RALYL: variants seen among roughly 807,000 people sequenced by gnomAD.
RALYL encodes RALY RNA binding protein like.
Under a neutral mutation model 35.1 loss-of-function variants are expected in RALYL, and 29 were observed. That is an observed-to-expected ratio of 0.83 (90% CI 0.61 to 1.13). The LOEUF is 1.13. RALYL is among the 50% of genes most tolerant of loss of function. The probability of loss-of-function intolerance (pLI) is 0.00; values close to 1 mark genes in which losing one functional copy is unlikely to be tolerated. For synonymous variants in RALYL, 120 were observed against 127.6 expected (o/e 0.94, Z 0.40); for missense variants, 359 against 360.4 (o/e 1.00, Z 0.03).
chr8:84,698,394 G>T (rs1411067937), intron 2 of RALYL, among the ~76,000 whole-genome samples: 1 of 151,982 alleles, frequency 6.6e-6, no homozygotes, highest in East Asian at 1.9e-4. Flanking sequence ...AACTCTAGGG[G>T]TGATGATGTA....
At chr8:84,899,707 G>A (rs978333453) in intron 8 of RALYL, among the ~76,000 whole-genome samples, 4 of 152,118 alleles carry the variant, frequency 2.6e-5, no homozygotes, top group African/African-American at 9.7e-5. Flanking sequence ...CAGCAGTATT[G>A]ACTCTATCGT....
At chr8:84,234,772 T>TA (rs201899185) in intron 1 of RALYL, among the ~76,000 whole-genome samples, 2,264 of 106,352 alleles carry the variant, frequency 0.021, 55 homozygotes, top group African/African-American at 0.09. Flanking sequence ...TTTATTTATT[T>TA]TTTTTTTTTT....
intron 1 of RALYL, among the ~76,000 whole-genome samples, chr8:84,485,981 G>A (rs1033191993): frequency 1.4e-5 from 2 of 144,894 alleles, no homozygotes; most frequent in African/African-American, 5.1e-5. Context: ...ATATCAGGAT[G>A]TGACTCCTGT....
At chr8:84,894,647 T>C (rs1844429087) in intron 8 of RALYL, among the ~76,000 whole-genome samples, 2 of 152,186 alleles carry the variant, frequency 1.3e-5, no homozygotes, top group Admixed American at 1.3e-4. Context: ...AAATGGGATA[T>C]GACTCAGCCT....
chr8:84,511,091 C>G (rs1177671650), intron 1 of RALYL, among the ~76,000 whole-genome samples: 1 of 152,156 alleles, frequency 6.6e-6, no homozygotes, highest in Admixed American at 6.6e-5. Context: ...TTCCCTAGCC[C>G]TTAAGCCTCT....
At chr8:84,430,967 T>C (rs1308259787) in intron 1 of RALYL, among the ~76,000 whole-genome samples, 1 of 152,146 alleles carries the variant, frequency 6.6e-6, no homozygotes, top group African/African-American at 2.4e-5. Context: ...ATTTCCTGTG[T>C]TATGTGAGGT....
At chr8:84,615,145 T>C (rs1819178151) in intron 2 of RALYL, among the ~76,000 whole-genome samples, 1 of 151,832 alleles carries the variant, frequency 6.6e-6, no homozygotes, top group Admixed American at 6.6e-5. Flanking sequence ...CACTTTAAGA[T>C]ATTTGTAGTT....
intron 6 of RALYL, among the ~76,000 whole-genome samples, chr8:84,871,177 G>C (rs924145873): frequency 6.6e-6 from 1 of 152,166 alleles, no homozygotes; most frequent in Non-Finnish European, 1.5e-5. Flanking sequence ...AGATCTGAAA[G>C]ATGTTCTTTC....
intron 2 of RALYL, among the ~76,000 whole-genome samples, chr8:84,586,240 C>G (rs1281577188): frequency 1.3e-5 from 2 of 151,798 alleles, no homozygotes; most frequent in Admixed American, 6.6e-5. Context: ...TCAAGATACT[C>G]TCCTGATTTC....
At chr8:84,894,375 A>G (rs952501578) in intron 8 of RALYL, among the ~76,000 whole-genome samples, 4 of 152,236 alleles carry the variant, frequency 2.6e-5, no homozygotes, top group Non-Finnish European at 4.4e-5. Context: ...TACAAGGAAG[A>G]AAGTAGTACT....
chr8:84,463,797 T>A (rs1381019213), intron 1 of RALYL, among the ~76,000 whole-genome samples: 1 of 152,126 alleles, frequency 6.6e-6, no homozygotes, highest in Non-Finnish European at 1.5e-5. Flanking sequence ...TCACCCTTTT[T>A]AGTGTACCAT....
At chr8:84,535,634 TA>T (rs1174202544) in intron 2 of RALYL, among the ~76,000 whole-genome samples, 1 of 150,942 alleles carries the variant, frequency 6.6e-6, no homozygotes, top group Non-Finnish European at 1.5e-5. Context: ...TATTTTATTT[TA>T]TTTTATTTTT....
At chr8:84,618,147 G>A (rs1369903225) in intron 2 of RALYL, among the ~76,000 whole-genome samples, 1 of 151,724 alleles carries the variant, frequency 6.6e-6, no homozygotes, top group East Asian at 1.9e-4. Flanking sequence ...TCTATTGATT[G>A]GAATAGTTTC....
chr8:84,638,750 A>C (rs1825601042), intron 2 of RALYL, among the ~76,000 whole-genome samples: 1 of 151,018 alleles, frequency 6.6e-6, no homozygotes, highest in Non-Finnish European at 1.5e-5. Flanking sequence ...CAATGAGCAG[A>C]ATACCAGTTA....
At chr8:84,527,232 G>C (rs573593893) in intron 1 of RALYL, among the ~76,000 whole-genome samples, 1 of 152,002 alleles carries the variant, frequency 6.6e-6, no homozygotes, top group African/African-American at 2.4e-5. Context: ...TGTCAGTTTG[G>C]AGGTACAGGT....
At chr8:84,481,786 A>C (rs929524316) in intron 1 of RALYL, among the ~76,000 whole-genome samples, 1 of 152,114 alleles carries the variant, frequency 6.6e-6, no homozygotes, top group Non-Finnish European at 1.5e-5. Flanking sequence ...TGGAAATATA[A>C]GTTAAAAAGA....
intron 1 of RALYL, among the ~76,000 whole-genome samples, chr8:84,431,416 G>A (rs1337833169): frequency 6.6e-6 from 1 of 151,958 alleles, no homozygotes; most frequent in South Asian, 2.1e-4. Context: ...TCACTATGAG[G>A]GAAACGCAAA....
intron 1 of RALYL, among the ~76,000 whole-genome samples, chr8:84,350,600 A>G (rs753622430): frequency 6.7e-6 from 1 of 150,054 alleles, no homozygotes; most frequent in Non-Finnish European, 1.5e-5. Context: ...TTACCTCAGA[A>G]CCAGGGCACT....
intron 2 of RALYL, among the ~76,000 whole-genome samples, chr8:84,724,918 TG>T (rs573729309): frequency 8.5e-4 from 129 of 151,860 alleles, no homozygotes; most frequent in African/African-American, 3.0e-3. Context: ...ATGTTCATCA[TG>T]GAAGTAATAA....
Sources: gnomAD v4.1 joint callset for allele counts (sites outside exome capture counted in the v4.1 genomes callset) on GRCh38, gnomAD v4.1.1 for gene constraint, MANE v1.5 for transcripts, NCBI Gene and HGNC (gene_info 2026-07-23, HGNC 2026-07-21) for gene names.